Variants in ABAT observed in about 807,000 individuals in gnomAD.
The protein encoded by ABAT is 4-aminobutyrate aminotransferase.
In ABAT, 45 loss-of-function variants were observed where a neutral mutation model predicts 64.6. The ratio of observed to expected loss-of-function variants is 0.70; its 90% CI spans 0.55 to 0.89. ABAT has a LOEUF of 0.89. Ranked by LOEUF, ABAT falls within the 40% of genes least tolerant of loss-of-function variation. ABAT has a pLI of 0.00. For synonymous variants in ABAT, 297 were observed against 250.5 expected, an observed-to-expected ratio of 1.19 and a Z score of -1.75; for missense variants, 633 against 658.4, an observed-to-expected ratio of 0.96 and a Z score of 0.42.
intron 1 of ABAT, among the ~76,000 whole-genome samples, chr16:8,694,130 C>T (rs887222424): frequency 1.3e-5 from 2 of 151,748 alleles, no homozygotes; most frequent in East Asian, 1.9e-4. Flanking sequence ...CCCAGGTTCA[C>T]GCCATTCTCC....
At position 8,725,733 on chromosome 16, in the gene ABAT, T is replaced by C. The variant is rs562855484; in HGVS notation, c.-41-9966T>C. ...TGGGTTGATGCAAAGGTCATTTCCT[T>C]TTGCACCAACCTAGTACTTAGGGGT... On this transcript the variant is annotated intron_variant, in intron 1 of 15. Coordinates refer to ENST00000268251, the MANE Select transcript of ABAT (RefSeq NM_020686.6). Among the ~76,000 whole-genome samples the C allele has an allele frequency of 9.3e-4, 141 of 152,318 alleles. 1 individual carries two copies. The highest frequency in any genetic ancestry group is 3.3e-3 in the African/African-American group (137 of 41,570).
chr16:8,742,039 T>A (rs77896269), intron 2 of ABAT, among the ~76,000 whole-genome samples: 8,511 of 152,256 alleles, frequency 0.056, 808 homozygotes, highest in African/African-American at 0.19. Flanking sequence ...GCAAACAAAC[T>A]TATGGAAAAC....
intron 1 of ABAT, among the ~76,000 whole-genome samples, chr16:8,677,793 A>G (rs1347261896): frequency 6.6e-6 from 1 of 152,174 alleles, no homozygotes; most frequent in Non-Finnish European, 1.5e-5. Flanking sequence ...CATAGTTGAT[A>G]CTTAATATAA....
chr16:8,727,849 A>G (rs530651720), intron 1 of ABAT, among the ~76,000 whole-genome samples: 15 of 152,318 alleles, frequency 9.8e-5, no homozygotes, highest in Admixed American at 9.2e-4. Context: ...TGGTAGGATC[A>G]CTTGAGCTCA....
chr16:8,725,037 C>T (rs1004140462), intron 1 of ABAT, among the ~76,000 whole-genome samples: 10 of 152,026 alleles, frequency 6.6e-5, no homozygotes, highest in Non-Finnish European at 1.0e-4. Flanking sequence ...CCGCCTCAGC[C>T]TCCAAAGTAG....
At position 8,735,680 on chromosome 16, in the gene ABAT, C is replaced by T. The variant is rs960270293; in HGVS notation, c.-41-19C>T. 4.5e-6 allele frequency: 7 copies of T among 1,550,008 alleles called. No individual in the cohort carries two copies. The East Asian group carries it at 1.7e-4, about 37-fold the overall frequency. On this transcript the variant is annotated intron_variant, in intron 1 of 15. Transcript: ENST00000268251. ...AGTGGTCTTCATGGGCCTAAGTCTG[C>T]ATTTCTGGTTTCTTTCAGGGTGGCA...
chr16:8,733,191 C>G (rs1347791320), intron 1 of ABAT, among the ~76,000 whole-genome samples: 3 of 150,432 alleles, frequency 2.0e-5, no homozygotes, highest in African/African-American at 7.4e-5. Flanking sequence ...ACTTCCCAGA[C>G]GGGGCGGCTG....
chr16:8,715,552 A>G (rs1422789210), intron 1 of ABAT: 1 of 151,484 alleles, frequency 6.6e-6, no homozygotes, highest in Non-Finnish European at 1.5e-5. Context: ...CCTGAGCCCA[A>G]GAGTTCGAGG....
chr16:8,768,739 C>A, intron 10 of ABAT, 86 bp from the exon 11 acceptor site: 1 of 1,591,492 alleles, frequency 6.3e-7, no homozygotes, highest in Non-Finnish European at 8.6e-7. Context: ...CAGCCTTGCG[C>A]TGAAATGTCT....
intron 5 of ABAT, chr16:8,757,272 A>T: frequency 2.4e-6 from 1 of 417,648 alleles, no homozygotes; most frequent in Non-Finnish European, 4.7e-6. Flanking sequence ...TGTTCAAGAG[A>T]TTCTTCTGCC....
intron 1 of ABAT, among the ~76,000 whole-genome samples, chr16:8,697,376 C>T (rs764350677): frequency 3.3e-5 from 5 of 152,100 alleles, no homozygotes; most frequent in Non-Finnish European, 7.4e-5. Flanking sequence ...ATGGCTGCTC[C>T]GTGCAAAGTG....
chr16:8,749,607 G>A (rs1329699200), intron 4 of ABAT, among the ~76,000 whole-genome samples: 1 of 150,014 alleles, frequency 6.7e-6, no homozygotes, highest in Non-Finnish European at 1.5e-5. Flanking sequence ...CCATGTTGAG[G>A]CTGGTTTCGA....
chr16:8,776,151 GGT>G lies in ABAT; in HGVS notation c.1123-188_1123-187del, dbSNP rs1266536083. On this transcript the variant is annotated intron_variant, in intron 13 of 15. Coordinates refer to ENST00000268251, the MANE Select transcript of ABAT (RefSeq NM_020686.6). This position sits in a 1 kb window ranked among gnomAD's most constrained non-coding sequence, Gnocchi z 4.4. ...CTGTTGGAAGAATTCAGCAAGATTG[GGT>G]GTGTTCTCCTGCTAGCCTCTGGTAG... 1.3e-5 allele frequency among the ~76,000 whole-genome samples: 2 copies of G among 152,128 alleles called. No homozygotes were observed. The highest frequency in any genetic ancestry group is 6.6e-5 in the Admixed American group (1 of 15,258).
chr16:8,735,939 G>C (rs74008026), intron 2 of ABAT, 130 bp downstream of exon 2: 12,787 of 768,396 alleles, frequency 0.017, 305 homozygotes, highest in African/African-American at 0.089. Flanking sequence ...CTGTCCCACT[G>C]TATTAGTCTG....
chr16:8,712,007 G>A (rs1230507819), intron 1 of ABAT, among the ~76,000 whole-genome samples: 1 of 151,622 alleles, frequency 6.6e-6, no homozygotes, highest in African/African-American at 2.4e-5. Flanking sequence ...TGGGAGGTCG[G>A]GGGGGAGGGG....
At chr16:8,678,696 T>C (rs931966466) in intron 1 of ABAT, among the ~76,000 whole-genome samples, 1 of 152,174 alleles carries the variant, frequency 6.6e-6, no homozygotes, top group African/African-American at 2.4e-5. Context: ...AACATAAAAA[T>C]GTCCATGGCA....
At position 8,710,694 on chromosome 16, in the gene ABAT, C is replaced by CAG. The variant is rs558327984; in HGVS notation, c.-41-24970_-41-24969dup. Among the ~76,000 whole-genome samples, 547 of 121,998 alleles carry CAG rather than the reference C, an allele frequency of 4.5e-3. 5 individuals are homozygous for CAG. Among genetic ancestry groups the CAG allele is most frequent in the South Asian group, 0.011 (38 of 3,324 alleles). 80.0% of individuals were successfully genotyped at this position (121,998 alleles called of 152,430 possible). On this transcript the variant is annotated intron_variant, in intron 1 of 15. Coordinates refer to ENST00000268251, the MANE Select transcript of ABAT (RefSeq NM_020686.6). ...GGTTAAGGCTGCACTGAGAGAGAGA[C>CAG]AGAGAGAGAGAGAGAGAGAGAGAGA...
chr16:8,767,851 T>C (rs983756767), intron 9 of ABAT, among the ~76,000 whole-genome samples: 2 of 152,074 alleles, frequency 1.3e-5, no homozygotes, highest in African/African-American at 4.8e-5. Context: ...AATTTTTGTA[T>C]TTTTAGTAGA....
intron 1 of ABAT, among the ~76,000 whole-genome samples, chr16:8,698,316 T>G (rs2057747479): frequency 6.6e-6 from 1 of 152,004 alleles, no homozygotes; most frequent in Admixed American, 6.5e-5. Flanking sequence ...CCCTTGGGTT[T>G]GTTTCCCCCT....
Sources: allele counts gnomAD v4.1 joint callset (sites outside exome capture counted in the v4.1 genomes callset), GRCh38; gene constraint gnomAD v4.1.1; non-coding constraint Gnocchi (gnomAD v3.1); transcripts MANE v1.5; gene names NCBI Gene and HGNC (gene_info 2026-07-23, HGNC 2026-07-21).